The following MEAK7 variants were observed in gnomAD, a reference collection of about 807,000 sequenced individuals.
MEAK7 encodes MTOR associated protein MEAK7, also known as MTOR-associated protein MEAK7.
Under a neutral mutation model 40.5 loss-of-function variants are expected in MEAK7, and 68 were observed. That is an observed-to-expected ratio of 1.68 (90% CI 1.38 to 2.06). The LOEUF is 2.06. Among genes scored for constraint, MEAK7 ranks in the 30% most tolerant of loss-of-function variants. MEAK7 has a pLI of 0.00. For synonymous variants in MEAK7, 338 were observed against 231.9 expected (o/e 1.46, Z -4.16); for missense variants, 918 against 580.5 (o/e 1.58, Z -5.98).
At chr16:84,488,667 TTAAA>T (rs1246245011) in intron 4 of MEAK7, among the ~76,000 whole-genome samples, 2 of 152,072 alleles carry the variant, frequency 1.3e-5, no homozygotes, top group Non-Finnish European at 2.9e-5. Context: ...CATGGAGAAA[TTAAA>T]TAACACACTG....
chr16:84,492,533 G>A (rs932823095), intron 3 of MEAK7, among the ~76,000 whole-genome samples: 1 of 151,152 alleles, frequency 6.6e-6, no homozygotes, highest in Non-Finnish European at 1.5e-5. Context: ...ATTTTACAAT[G>A]ACCTGTGATC....
In MEAK7 at chr16:84,476,893, G is replaced by GA. The variant is rs1176124949; in HGVS notation, c.*3019_*3020insT. 6.6e-6 allele frequency: 1 copy of GA among 152,084 alleles called. No homozygotes were observed. The highest frequency in any genetic ancestry group is 1.5e-5 in the Non-Finnish European group (1 of 68,040). The allele number at this position is 152,084 out of a possible 1,614,324, so 9.4% of individuals were successfully genotyped here. ...CTTTTATCTTTTTTTTCTAAACCAG[G>GA]TACACAATTTTTTTTAAACATAGGG... On this transcript the variant is annotated 3_prime_UTR_variant, in exon 8 of 8. Coordinates refer to ENST00000343629, the MANE Select transcript of MEAK7 (RefSeq NM_020947.4).
intron 3 of MEAK7, among the ~76,000 whole-genome samples, chr16:84,492,148 G>C (rs367813941): frequency 1.3e-5 from 2 of 152,164 alleles, no homozygotes; most frequent in African/African-American, 2.4e-5. Flanking sequence ...GTATGAGATT[G>C]TAAGGGCCGA....
intron 3 of MEAK7, among the ~76,000 whole-genome samples, chr16:84,492,052 A>G (rs1913662570): frequency 6.6e-6 from 1 of 152,132 alleles, no homozygotes; most frequent in South Asian, 2.1e-4. Context: ...AAAGATGGCA[A>G]TCAAACTGTG....
At chr16:84,480,462 A>G in intron 7 of MEAK7, 67 bp downstream of exon 7, 2 of 1,501,222 alleles carry the variant, frequency 1.3e-6, no homozygotes, top group Non-Finnish European at 1.8e-6. Flanking sequence ...GGGTAATGGT[A>G]AGAAAATGCA....
At chr16:84,482,831 C>T in intron 5 of MEAK7, 121 bp from the exon 6 acceptor site, 1 of 1,450,922 alleles carries the variant, frequency 6.9e-7, no homozygotes, top group South Asian at 1.3e-5. Flanking sequence ...TCACCCATGT[C>T]CAGGTGTCGG....
chr16:84,482,507 T>G, intron 6 of MEAK7, 85 bp downstream of exon 6: 2 of 1,605,824 alleles, frequency 1.2e-6, no homozygotes, highest in Non-Finnish European at 1.7e-6. Context: ...CGCCCTGCCC[T>G]GATCTGTGGA....
rs994097470 is a variant in MEAK7, at chr16:84,476,864, T to G, written c.*3049A>C. ...CAGGAAGATGACTGACTTTAAGTTG[T>G]ATCCTTTTATCTTTTTTTTCTAAAC... On this transcript the variant is annotated 3_prime_UTR_variant, in exon 8 of 8. Coordinates refer to ENST00000343629, the MANE Select transcript of MEAK7 (RefSeq NM_020947.4). 2.6e-5 allele frequency: 4 copies of G among 152,198 alleles called. No homozygotes were observed. The highest frequency in any genetic ancestry group is 2.6e-4 in the Admixed American group (4 of 15,278). 9.4% of individuals were successfully genotyped at this position (152,198 alleles called of 1,614,324 possible).
intron 2 of MEAK7, among the ~76,000 whole-genome samples, chr16:84,496,257 G>A (rs998210194): frequency 6.6e-6 from 1 of 152,176 alleles, no homozygotes; most frequent in African/African-American, 2.4e-5. Context: ...AAAAGGCTAG[G>A]GTGGGAGGGC....
At chr16:84,484,338 G>A (rs1169274237) in intron 5 of MEAK7, among the ~76,000 whole-genome samples, 1 of 152,152 alleles carries the variant, frequency 6.6e-6, no homozygotes, top group African/African-American at 2.4e-5. Context: ...CCAAGCGTGC[G>A]GCCACCAGCA....
Position 84,504,616 on chromosome 16 carries a change from G to A in MEAK7, c.-41C>T. On this transcript the variant is annotated 5_prime_UTR_variant, in exon 1 of 8. Coordinates refer to ENST00000343629, the MANE Select transcript of MEAK7 (RefSeq NM_020947.4). ...AGGTACCTACCCTGCCGGGCTTCCT[G>A]GTGCTGTCCGGTCCGGTCCAGCAGC... The A allele has an allele frequency of 1.0e-6, 1 of 985,612 alleles. No homozygotes were observed. The highest frequency in any genetic ancestry group is 1.2e-6 in the Non-Finnish European group (1 of 830,054). The allele number at this position is 985,612 out of a possible 1,614,324, so 61.1% of individuals were successfully genotyped here. A position where few individuals can be genotyped will look rare whatever the true frequency, so the allele number is the denominator to read the frequency against.
At chr16:84,501,635 C>T (rs1469229818) in intron 1 of MEAK7, among the ~76,000 whole-genome samples, 2 of 152,186 alleles carry the variant, frequency 1.3e-5, no homozygotes, top group East Asian at 1.9e-4. Flanking sequence ...AGGCTGGCAA[C>T]GCCACTTTTT....
In MEAK7 at chr16:84,497,999, C is replaced by G; in HGVS notation, c.88G>C (p.Ala30Pro). The G allele has an allele frequency of 6.2e-7, 1 of 1,614,188 alleles. No homozygotes were observed. The highest frequency in any genetic ancestry group is 8.5e-7 in the Non-Finnish European group (1 of 1,180,036). The change falls in exon 2 of 8, where the codon GCT becomes CCT. Residue 30 changes from alanine to proline, a missense_variant. Transcript: ENST00000343629. ...EQAEIDQLFD[A>P]LSSDKNSPNV... ...GGGCTGTTTTTATCTGATGACAGAGCATCAAACAATTGATCAATCTCTGCC... is the reference window on the plus strand; with the variant it reads ...GGGCTGTTTTTATCTGATGACAGAGGATCAAACAATTGATCAATCTCTGCC...
In MEAK7 at chr16:84,478,268, G is replaced by A. The variant is rs553979169; in HGVS notation, c.*1645C>T. 6.6e-6 allele frequency: 1 copy of A among 152,272 alleles called. No individual in the cohort carries two copies. Among genetic ancestry groups the A allele is most frequent in the South Asian group, 2.1e-4 (1 of 4,826 alleles). The allele number at this position is 152,272 out of a possible 1,614,324, so 9.4% of individuals were successfully genotyped here. On this transcript the variant is annotated 3_prime_UTR_variant, in exon 8 of 8. Transcript: ENST00000343629. ...ATTACAAACTGGCTAAGGAAAATCA[G>A]TCATGACTAAGTCCTTGTCTGCATC... is the stretch of plus-strand genomic sequence containing the variant.
At chr16:84,492,096 T>A (rs1278781162) in intron 3 of MEAK7, among the ~76,000 whole-genome samples, 1 of 152,088 alleles carries the variant, frequency 6.6e-6, no homozygotes, top group Non-Finnish European at 1.5e-5. Flanking sequence ...TTTAAAATAT[T>A]TAACCCCTCT....
chr16:84,479,254 T>C lies in MEAK7; in HGVS notation c.*659A>G, dbSNP rs1437203956. 6.6e-6 allele frequency: 1 copy of C among 152,226 alleles called. No homozygotes were observed. The highest frequency in any genetic ancestry group is 2.4e-5 in the African/African-American group (1 of 41,446). The allele number at this position is 152,226 out of a possible 1,614,324, so 9.4% of individuals were successfully genotyped here. ...TTCCCAGAAAGCGTCGAGATTTTCA[T>C]CCAGATGCCTCTGTCCCTCACCCGT... On this transcript the variant is annotated 3_prime_UTR_variant, in exon 8 of 8. Coordinates refer to ENST00000343629, the MANE Select transcript of MEAK7 (RefSeq NM_020947.4).
intron 6 of MEAK7, 134 bp downstream of exon 6, chr16:84,482,458 G>A (rs1037283766): frequency 8.4e-6 from 12 of 1,432,464 alleles, no homozygotes; most frequent in Middle Eastern, 2.3e-4. Context: ...GGAAACAGAA[G>A]GAACTGGACA....
At chr16:84,482,194 G>A (rs1912618152) in intron 6 of MEAK7, among the ~76,000 whole-genome samples, 1 of 152,200 alleles carries the variant, frequency 6.6e-6, no homozygotes, top group Admixed American at 6.5e-5. Context: ...CCCACATGCT[G>A]TCTCATGAGC....
At chr16:84,491,474 G>C (rs1459052129) in intron 3 of MEAK7, among the ~76,000 whole-genome samples, 1 of 150,262 alleles carries the variant, frequency 6.7e-6, no homozygotes, top group East Asian at 2.0e-4. Flanking sequence ...GGGAGGCAGA[G>C]GTTGTAGTGA....
Sources: allele counts gnomAD v4.1 joint callset (sites outside exome capture counted in the v4.1 genomes callset), GRCh38; gene constraint gnomAD v4.1.1; transcripts MANE v1.5; gene names NCBI Gene and HGNC (gene_info 2026-07-23, HGNC 2026-07-21).